The following CRPPA variants were observed in gnomAD, a reference collection of about 807,000 sequenced individuals.
CRPPA encodes the protein D-ribitol-5-phosphate cytidylyltransferase.
A neutral mutation model predicts 52.0 loss-of-function variants in CRPPA; 43 were observed. That is an observed-to-expected ratio of 0.83 (90% CI 0.65 to 1.07). The LOEUF is 1.07. Ranked by LOEUF, CRPPA falls within the 50% of genes least tolerant of loss-of-function variation. The pLI is 0.00. For synonymous variants in CRPPA, 250 were observed against 203.5 expected (o/e 1.23, Z -1.94); for missense variants, 629 against 551.7 (o/e 1.14, Z -1.40).
chr7:16,379,266 T>C (rs559425771), intron 2 of CRPPA, among the ~76,000 whole-genome samples: 2 of 152,218 alleles, frequency 1.3e-5, no homozygotes, highest in Non-Finnish European at 2.9e-5. Context: ...CTTTAATCCA[T>C]CTTGAATTAA....
At chr7:16,170,707 G>C (rs1164642763) in intron 9 of CRPPA, among the ~76,000 whole-genome samples, 1 of 152,202 alleles carries the variant, frequency 6.6e-6, no homozygotes, top group Admixed American at 6.5e-5. Context: ...GTGGGCTGCA[G>C]GTCCCGAGCC....
chr7:16,308,446 T>C (rs1784962369), intron 4 of CRPPA, 77 bp downstream of exon 4: 1 of 779,468 alleles, frequency 1.3e-6, no homozygotes. Context: ...CTCAATGCAC[T>C]ACTGGTTTTA....
chr7:16,205,055 ACACAG>A (rs1781940755), intron 9 of CRPPA, among the ~76,000 whole-genome samples: 1 of 152,306 alleles, frequency 6.6e-6, no homozygotes, highest in African/African-American at 2.4e-5. Flanking sequence ...AATGCAATAT[ACACAG>A]CACTTGGCAA....
chr7:16,116,465 GAC>G (rs1364427722), intron 9 of CRPPA, among the ~76,000 whole-genome samples: 1 of 152,066 alleles, frequency 6.6e-6, no homozygotes, highest in Admixed American at 6.6e-5. Flanking sequence ...AGGCATTCAA[GAC>G]CAGCCTGGCC....
chr7:16,285,701 T>C (rs980101911), intron 5 of CRPPA, among the ~76,000 whole-genome samples: 1 of 151,872 alleles, frequency 6.6e-6, no homozygotes, highest in Non-Finnish European at 1.5e-5. Context: ...AACCTCTAAA[T>C]GGTAAAGGTA....
intron 3 of CRPPA, among the ~76,000 whole-genome samples, chr7:16,341,235 T>C (rs559856982): frequency 6.6e-6 from 1 of 151,992 alleles, no homozygotes; most frequent in African/African-American, 2.4e-5. Context: ...TAGTGTAAAC[T>C]ATGAACTCTA....
intron 2 of CRPPA, among the ~76,000 whole-genome samples, chr7:16,377,548 A>C (rs1372639902): frequency 6.6e-6 from 1 of 152,234 alleles, no homozygotes; most frequent in African/African-American, 2.4e-5. Context: ...CATTGAAACT[A>C]GTGAAAAGTA....
intron 5 of CRPPA, among the ~76,000 whole-genome samples, chr7:16,289,088 T>A (rs1784507430): frequency 6.6e-6 from 1 of 152,062 alleles, no homozygotes; most frequent in Non-Finnish European, 1.5e-5. Flanking sequence ...TATATGCTGA[T>A]AAATTGGAAC....
At chr7:16,343,462 C>T (rs895591393) in intron 3 of CRPPA, among the ~76,000 whole-genome samples, 5 of 152,116 alleles carry the variant, frequency 3.3e-5, no homozygotes, top group African/African-American at 9.7e-5. Context: ...TGCTCCAAGT[C>T]CCAGTTCCCA....
At chr7:16,216,977 C>A (rs1260709120) in intron 8 of CRPPA, among the ~76,000 whole-genome samples, 2 of 152,116 alleles carry the variant, frequency 1.3e-5, no homozygotes, top group African/African-American at 4.8e-5. Context: ...TAGGCTTCAC[C>A]TCTGGGGGCA....
At chr7:16,257,670 T>C (rs1364907968) in intron 8 of CRPPA, among the ~76,000 whole-genome samples, 2 of 152,090 alleles carry the variant, frequency 1.3e-5, no homozygotes, top group African/African-American at 2.4e-5. Context: ...CTTTAGGAAC[T>C]TCGAAGCTGC....
chr7:16,275,758 G>A (rs780789925), intron 6 of CRPPA, among the ~76,000 whole-genome samples: 2 of 151,906 alleles, frequency 1.3e-5, no homozygotes, highest in Non-Finnish European at 2.9e-5. Flanking sequence ...CTTGAGCCCA[G>A]CAGGCCAAGG....
chr7:16,119,820 G>C (rs1049560234), intron 9 of CRPPA, among the ~76,000 whole-genome samples: 31 of 152,300 alleles, frequency 2.0e-4, no homozygotes, highest in Middle Eastern at 3.4e-3. Context: ...GGATAAATCT[G>C]AAATGCCAGG....
At position 16,124,169 on chromosome 7, in the gene CRPPA, C is replaced by T. The variant is rs139682497; in HGVS notation, c.1252-32370G>A. 5.3e-3 allele frequency among the ~76,000 whole-genome samples: 747 copies of T among 141,004 alleles called. 1 individual carries two copies. The highest frequency in any genetic ancestry group is 8.0e-3 in the Non-Finnish European group (526 of 66,154). 92.5% of individuals were successfully genotyped at this position (141,004 alleles called of 152,430 possible). Reference sequence around the variant, plus strand: ...TTTCCATAATGGCTGTACCAATTTACATTCCCACCAATGGTGTGTACGAGT... The same window carrying T: ...TTTCCATAATGGCTGTACCAATTTATATTCCCACCAATGGTGTGTACGAGT... On this transcript the variant is annotated intron_variant, in intron 9 of 9. Coordinates refer to ENST00000407010, the MANE Select transcript of CRPPA (RefSeq NM_001101426.4).
At chr7:16,361,838 C>T (rs1786453558) in intron 3 of CRPPA, among the ~76,000 whole-genome samples, 1 of 149,984 alleles carries the variant, frequency 6.7e-6, no homozygotes, top group Admixed American at 6.7e-5. Context: ...TTATATATTT[C>T]ATCACAAGTT....
intron 8 of CRPPA, among the ~76,000 whole-genome samples, chr7:16,243,236 T>A (rs1172156088): frequency 6.6e-6 from 1 of 152,140 alleles, no homozygotes; most frequent in Non-Finnish European, 1.5e-5. Flanking sequence ...TTGAAGAAGG[T>A]GCCTGCTTCT....
chr7:16,319,870 A>T (rs1159990891), intron 3 of CRPPA, among the ~76,000 whole-genome samples: 1 of 152,136 alleles, frequency 6.6e-6, no homozygotes, highest in Admixed American at 6.5e-5. Flanking sequence ...AGATTTAGAG[A>T]TCAGACTGCT....
intron 2 of CRPPA, among the ~76,000 whole-genome samples, chr7:16,384,828 C>G (rs1787211081): frequency 6.6e-6 from 1 of 152,028 alleles, no homozygotes; most frequent in South Asian, 2.1e-4. Context: ...GAAGGGCAGG[C>G]AAGAGGAACT....
intron 3 of CRPPA, among the ~76,000 whole-genome samples, chr7:16,338,196 G>A (rs1785735196): frequency 6.6e-6 from 1 of 152,126 alleles, no homozygotes; most frequent in African/African-American, 2.4e-5. Context: ...CATTCACAAT[G>A]ACCAAGTGAG....
Sources: allele counts gnomAD v4.1 joint callset (sites outside exome capture counted in the v4.1 genomes callset), GRCh38; gene constraint gnomAD v4.1.1; transcripts MANE v1.5; gene names NCBI Gene and HGNC (gene_info 2026-07-23, HGNC 2026-07-21).